The following TTC7B variants were observed in gnomAD, a reference collection of about 807,000 sequenced individuals.
TTC7B encodes the protein tetratricopeptide repeat domain 7B.
TTC7B carries 28 observed loss-of-function variants against 106.8 expected under a neutral mutation model. That is an observed-to-expected ratio of 0.26 (90% CI 0.19 to 0.36). The LOEUF (loss-of-function observed/expected upper bound fraction) is 0.36. Ranked by LOEUF, TTC7B falls within the 10% of genes least tolerant of loss-of-function variation. The pLI is 1.00. For synonymous variants in TTC7B, 405 were observed against 430.6 expected, an observed-to-expected ratio of 0.94 and a Z score of 0.74; for missense variants, 862 against 1,076.4, an observed-to-expected ratio of 0.80 and a Z score of 2.79.
chr14:90,599,244 G>A (rs1892333947), intron 17 of TTC7B, among the ~76,000 whole-genome samples: 1 of 152,198 alleles, frequency 6.6e-6, no homozygotes, highest in Non-Finnish European at 1.5e-5. Flanking sequence ...CGCAAGTGTT[G>A]CCGAATAAAT....
intron 17 of TTC7B, among the ~76,000 whole-genome samples, chr14:90,607,260 G>A (rs1465578532): frequency 7.9e-5 from 12 of 152,198 alleles, no homozygotes; most frequent in East Asian, 1.9e-4. Flanking sequence ...CCTGCACAGC[G>A]GGTGATCCTG....
intron 17 of TTC7B, among the ~76,000 whole-genome samples, chr14:90,606,442 G>C (rs992346631): frequency 2.0e-5 from 3 of 152,160 alleles, no homozygotes; most frequent in African/African-American, 4.8e-5. Context: ...GCGTTGGATA[G>C]GTATTTGTTG....
chr14:90,569,463 G>C (rs1027873693), intron 19 of TTC7B, among the ~76,000 whole-genome samples: 2 of 152,204 alleles, frequency 1.3e-5, no homozygotes, highest in African/African-American at 4.8e-5. Context: ...GAATTCATCT[G>C]ACCTGAGGGA....
At chr14:90,688,980 A>G (rs890242050) in intron 7 of TTC7B, among the ~76,000 whole-genome samples, 12 of 152,124 alleles carry the variant, frequency 7.9e-5, no homozygotes, top group African/African-American at 2.7e-4. Flanking sequence ...TGCTAAGTCT[A>G]TAGTGATTCT....
intron 17 of TTC7B, among the ~76,000 whole-genome samples, chr14:90,607,983 A>G (rs190793103): frequency 3.5e-4 from 53 of 152,392 alleles, no homozygotes; most frequent in African/African-American, 1.2e-3. Flanking sequence ...ACTTCTCTAC[A>G]GCACCTTGTG....
In TTC7B at chr14:90,816,426, C is replaced by G. The variant is rs1379856803; in HGVS notation, c.-131G>C. 1 of 393,886 alleles carries G rather than the reference C, an allele frequency of 2.5e-6. No individual in the cohort carries two copies. The highest frequency in any genetic ancestry group is 3.4e-6 in the Non-Finnish European group (1 of 293,076). 24.4% of individuals were successfully genotyped at this position (393,886 alleles called of 1,614,324 possible). A position where few individuals can be genotyped will look rare whatever the true frequency, so the allele number is the denominator to read the frequency against. ...CGGCTCCGCGGCGTAACGGGAGCGC[C>G]GGCTGGGGAAGGGGCGGGGAGGCGG... On this transcript the variant is annotated 5_prime_UTR_variant, in exon 1 of 20. Transcript: ENST00000328459.
rs140005557 is a variant in TTC7B at position 90,624,117 on chromosome 14, C to T, written c.1752-6072G>A. Among the ~76,000 whole-genome samples, 167 of 152,196 alleles carry T rather than the reference C, an allele frequency of 1.1e-3. No individual in the cohort carries two copies. Among genetic ancestry groups the T allele is most frequent in the African/African-American group, 3.8e-3 (157 of 41,538 alleles). ...ATGTGTGCATGTGTGTGTGCGCGTG[C>T]GCGTGTGTGTGTTTTGTGACTTGTC... On this transcript the variant is annotated intron_variant, in intron 15 of 19. Transcript: ENST00000328459. The surrounding 1 kb of genome is among the most constrained non-coding windows in gnomAD (Gnocchi z 4.0).
At position 90,647,439 on chromosome 14, in the gene TTC7B, G is replaced by C. The variant is rs1885510506; in HGVS notation, c.1518-416C>G. On this transcript the variant is annotated intron_variant, in intron 13 of 19. Transcript: ENST00000328459. ...TAAGTTTGGCTTGGCCTTCCTTAAT[G>C]CTACTTTATCCAAATTTCTAGATTT... 1.9e-5 allele frequency: 3 copies of C among 156,296 alleles called. No homozygotes were observed. The South Asian group carries it at 5.9e-4, about 31-fold the overall frequency. 9.7% of individuals were successfully genotyped at this position (156,296 alleles called of 1,614,324 possible).
chr14:90,538,503 G>C lies in TTC7B; in HGVS notation c.*2865C>G, dbSNP rs898579986. 2 of 152,352 alleles carry C rather than the reference G, an allele frequency of 1.3e-5. No individual in the cohort carries two copies. The highest frequency in any genetic ancestry group is 6.5e-5 in the Admixed American group (1 of 15,286). The allele number at this position is 152,352 out of a possible 1,614,324, so 9.4% of individuals were successfully genotyped here. ...TGAGAAGCCATCAGGGGTTTATAGA[G>C]AGAACCGACTCAATCCTCCCTTCTA... is the stretch of plus-strand genomic sequence containing the variant. On this transcript the variant is annotated 3_prime_UTR_variant, in exon 20 of 20. Transcript: ENST00000328459.
At chr14:90,621,348 C>T (rs900472157) in intron 15 of TTC7B, among the ~76,000 whole-genome samples, 5 of 144,654 alleles carry the variant, frequency 3.5e-5, no homozygotes, top group African/African-American at 8.3e-5. Context: ...CACGCGGGTA[C>T]GGCCGGGACG....
In TTC7B at chr14:90,742,434, C is replaced by T. The variant is rs868674514; in HGVS notation, c.576+2358G>A. ...CTGGCCTCAGGTGATCCTCCTGTCT[C>T]GGCCTCTCAAAGTGCTGGGATTACA... On this transcript the variant is annotated intron_variant, in intron 4 of 19. Transcript: ENST00000328459. The surrounding 1 kb of genome is among the most constrained non-coding windows in gnomAD (Gnocchi z 4.1). Among the ~76,000 whole-genome samples the T allele has an allele frequency of 7.2e-5, 11 of 152,076 alleles. No homozygotes were observed. Among genetic ancestry groups the T allele is most frequent in the Non-Finnish European group, 1.0e-4 (7 of 68,030 alleles).
At chr14:90,613,866 C>A (rs184711871) in intron 16 of TTC7B, among the ~76,000 whole-genome samples, 2 of 152,384 alleles carry the variant, frequency 1.3e-5, no homozygotes, top group Non-Finnish European at 2.9e-5. Flanking sequence ...TAGATGCGCA[C>A]ATGCAGGGAC....
At chr14:90,683,040 G>A (rs1887116312) in intron 7 of TTC7B, among the ~76,000 whole-genome samples, 2 of 152,114 alleles carry the variant, frequency 1.3e-5, no homozygotes. Flanking sequence ...AATTTCCTCC[G>A]AAAGGTAGAA....
intron 18 of TTC7B, among the ~76,000 whole-genome samples, chr14:90,589,355 A>G (rs1343127767): frequency 6.6e-6 from 1 of 152,242 alleles, no homozygotes; most frequent in Non-Finnish European, 1.5e-5. Flanking sequence ...CTGATATGAA[A>G]TGGTGCAGGA....
intron 3 of TTC7B, among the ~76,000 whole-genome samples, chr14:90,776,550 G>T (rs996948909): frequency 6.6e-6 from 1 of 152,194 alleles, no homozygotes; most frequent in Non-Finnish European, 1.5e-5. Context: ...AGAGAAGACA[G>T]CAATATGAGC....
Position 90,786,324 on chromosome 14 carries a change from G to A in TTC7B, c.126C>T (p.Asp42=). ...QLSAKLIAND[D]MAELLLGESK... Reference sequence around the variant, plus strand: ...ACTCCCCGAGGAGAAGCTCTGCCATGTCATCTACAAAAACAAAGTGAGAAC... The same window carrying A: ...ACTCCCCGAGGAGAAGCTCTGCCATATCATCTACAAAAACAAAGTGAGAAC... Residue 42 remains aspartate, a synonymous_variant, in exon 2 of 20, where the codon GAC becomes GAT. Transcript: ENST00000328459. 6.2e-7 allele frequency: 1 copy of A among 1,613,286 alleles called. No homozygotes were observed. The highest frequency in any genetic ancestry group is 8.5e-7 in the Non-Finnish European group (1 of 1,179,742).
At chr14:90,739,332 C>T (rs1889668739) in intron 4 of TTC7B, among the ~76,000 whole-genome samples, 2 of 152,178 alleles carry the variant, frequency 1.3e-5, no homozygotes, top group African/African-American at 2.4e-5. Flanking sequence ...TCTTTATTGT[C>T]TCACATTTTA....
At chr14:90,701,969 C>G (rs758724434) in intron 5 of TTC7B, among the ~76,000 whole-genome samples, 1 of 152,052 alleles carries the variant, frequency 6.6e-6, no homozygotes, top group Non-Finnish European at 1.5e-5. Flanking sequence ...TCCAAACACA[C>G]TTGGACTCCT....
intron 10 of TTC7B, 186 bp downstream of exon 10, chr14:90,658,118 G>A: frequency 1.7e-6 from 1 of 596,026 alleles, no homozygotes; most frequent in Non-Finnish European, 3.0e-6. Flanking sequence ...TCTTCTCAGT[G>A]ATAAGTCCAT....
Sources: allele counts gnomAD v4.1 joint callset (sites outside exome capture counted in the v4.1 genomes callset), GRCh38; gene constraint gnomAD v4.1.1; non-coding constraint Gnocchi (gnomAD v3.1); transcripts MANE v1.5; gene names NCBI Gene and HGNC (gene_info 2026-07-23, HGNC 2026-07-21).